The following SUGCT variants were observed in gnomAD, a reference collection of about 807,000 sequenced individuals.
SUGCT encodes succinyl-CoA:glutarate CoA-transferase.
SUGCT carries 41 observed loss-of-function variants against 55.0 expected under a neutral mutation model. The ratio of observed to expected loss-of-function variants is 0.74; its 90% CI spans 0.58 to 0.97. The LOEUF (loss-of-function observed/expected upper bound fraction) is 0.97. SUGCT is among the 50% of genes least tolerant of loss of function. The probability of loss-of-function intolerance (pLI) is 0.00; values close to 1 mark genes in which losing one functional copy is unlikely to be tolerated. For missense variants in SUGCT, 568 were observed against 547.8 expected (o/e 1.04, Z -0.37); for synonymous variants, 187 against 200.4 (o/e 0.93, Z 0.56).
the SUGCT span, among the ~76,000 whole-genome samples, chr7:40,976,755 A>G: frequency 6.6e-6 from 1 of 152,144 alleles, no homozygotes; most frequent in African/African-American, 2.4e-5. Context: ...GAGAAGGCAA[A>G]ACCTGAAATC....
intron 9 of SUGCT, among the ~76,000 whole-genome samples, chr7:40,414,431 G>A (rs1009093550): frequency 9.2e-5 from 14 of 152,136 alleles, no homozygotes; most frequent in East Asian, 1.9e-4. Context: ...TGCTGTTTGC[G>A]GTTTCAGGCA....
At chr7:40,522,932 CAA>C (rs1384929615) in intron 12 of SUGCT, among the ~76,000 whole-genome samples, 1 of 151,942 alleles carries the variant, frequency 6.6e-6, no homozygotes, top group African/African-American at 2.4e-5. Flanking sequence ...CAGTCTGTTA[CAA>C]AAAATACATT....
At chr7:40,357,235 A>G (rs1312033736) in intron 9 of SUGCT, among the ~76,000 whole-genome samples, 2 of 152,144 alleles carry the variant, frequency 1.3e-5, no homozygotes, top group African/African-American at 4.8e-5. Flanking sequence ...GAATATTTTG[A>G]TCAGTACCCA....
chr7:40,569,648 C>T (rs1010721176), intron 12 of SUGCT, among the ~76,000 whole-genome samples: 6 of 151,976 alleles, frequency 3.9e-5, no homozygotes, highest in African/African-American at 1.4e-4. Context: ...TGAGAAAATA[C>T]AAATGTGGGT....
At chr7:40,560,755 C>T (rs1340330166) in intron 12 of SUGCT, among the ~76,000 whole-genome samples, 3 of 152,122 alleles carry the variant, frequency 2.0e-5, no homozygotes, top group African/African-American at 7.2e-5. Flanking sequence ...GCAGTGTATC[C>T]CCAGTGGGAA....
chr7:40,216,187 G>A (rs1224495706), intron 6 of SUGCT, among the ~76,000 whole-genome samples: 1 of 150,976 alleles, frequency 6.6e-6, no homozygotes, highest in Non-Finnish European at 1.5e-5. Context: ...TCTTGGGGCA[G>A]ATTCACAAAT....
At chr7:40,221,491 GGT>G (rs1257777138) in intron 6 of SUGCT, among the ~76,000 whole-genome samples, 2 of 145,546 alleles carry the variant, frequency 1.4e-5, no homozygotes, top group Admixed American at 6.8e-5. Context: ...AGCTGTTATT[GGT>G]CTTTTTTTTT....
chr7:40,457,526 A>G (rs1019817394), intron 10 of SUGCT, among the ~76,000 whole-genome samples: 1 of 152,118 alleles, frequency 6.6e-6, no homozygotes, highest in African/African-American at 2.4e-5. Context: ...AAGCATTTTC[A>G]TGTACATTGT....
At chr7:40,699,255 G>C (rs1785070274) in intron 12 of SUGCT, among the ~76,000 whole-genome samples, 1 of 152,110 alleles carries the variant, frequency 6.6e-6, no homozygotes, top group Admixed American at 6.5e-5. Flanking sequence ...TAGCCTTTGG[G>C]GACACTGAGA....
rs529624624 is a variant in SUGCT, at chr7:40,188,365, T to C, written c.227-130T>C. 398 of 604,396 alleles carry C rather than the reference T, an allele frequency of 6.6e-4. 4 individuals carry two copies. In the South Asian group the frequency reaches 7.2e-3, roughly 11 times the overall value. The allele number at this position is 604,396 out of a possible 1,614,324, so 37.4% of individuals were successfully genotyped here. Reference sequence around the variant, plus strand: ...AGGAGAATTACCCGAACCCAGGAGGTAGAGGTTGCAGTGAGCAGAGATCGT... The same window carrying C: ...AGGAGAATTACCCGAACCCAGGAGGCAGAGGTTGCAGTGAGCAGAGATCGT... On this transcript the variant is annotated intron_variant, in intron 3 of 13. Transcript: ENST00000335693.
At chr7:40,331,047 C>T (rs1269943662) in intron 9 of SUGCT, among the ~76,000 whole-genome samples, 2 of 151,916 alleles carry the variant, frequency 1.3e-5, no homozygotes, top group Non-Finnish European at 2.9e-5. Context: ...TACAGCAACA[C>T]CAAAGATAGC....
chr7:40,963,019 T>G, the SUGCT span, among the ~76,000 whole-genome samples: 1 of 152,180 alleles, frequency 6.6e-6, no homozygotes, highest in Non-Finnish European at 1.5e-5. Context: ...AAGCATCAAC[T>G]ACACCTTTTT....
chr7:40,647,982 A>G (rs970639708), intron 12 of SUGCT, among the ~76,000 whole-genome samples: 3 of 152,280 alleles, frequency 2.0e-5, no homozygotes, highest in East Asian at 1.9e-4. Flanking sequence ...CATTGATTCA[A>G]TCCCTTCAAA....
chr7:40,546,763 C>T (rs116120474), intron 12 of SUGCT: 1 of 152,196 alleles, frequency 6.6e-6, no homozygotes, highest in African/African-American at 2.4e-5. Flanking sequence ...CTGTTGATTT[C>T]CTGAGACTGA....
intron 12 of SUGCT, among the ~76,000 whole-genome samples, chr7:40,511,394 G>A (rs1408085190): frequency 6.6e-6 from 1 of 152,166 alleles, no homozygotes; most frequent in African/African-American, 2.4e-5. Context: ...GGAGAAGGCT[G>A]AACGACATGA....
intron 12 of SUGCT, among the ~76,000 whole-genome samples, chr7:40,546,262 G>A (rs1323366903): frequency 1.3e-5 from 2 of 152,108 alleles, no homozygotes; most frequent in Admixed American, 1.3e-4. Context: ...TACATCAAGT[G>A]CTGTGGTTAT....
chr7:40,697,571 G>A (rs546634225), intron 12 of SUGCT, among the ~76,000 whole-genome samples: 144 of 152,306 alleles, frequency 9.5e-4, no homozygotes, highest in African/African-American at 3.3e-3. Context: ...CCGGGAGGCG[G>A]AGGTTGCAGT....
intron 9 of SUGCT, among the ~76,000 whole-genome samples, chr7:40,350,950 C>T (rs1797601682): frequency 6.6e-6 from 1 of 152,082 alleles, no homozygotes; most frequent in African/African-American, 2.4e-5. Context: ...ATCCATGTCC[C>T]AGCAAAGGAC....
At chr7:40,892,038 A>G in the SUGCT span, among the ~76,000 whole-genome samples, 1 of 152,170 alleles carries the variant, frequency 6.6e-6, no homozygotes, top group African/African-American at 2.4e-5. Flanking sequence ...AAAATTCACC[A>G]TAAGGATAAA....
Sources: allele counts gnomAD v4.1 joint callset (sites outside exome capture counted in the v4.1 genomes callset), GRCh38; gene constraint gnomAD v4.1.1; transcripts MANE v1.5; gene names NCBI Gene and HGNC (gene_info 2026-07-23, HGNC 2026-07-21).